DIABLO: variants seen among roughly 807,000 people sequenced by gnomAD.
DIABLO encodes the protein diablo homolog, mitochondrial.
In DIABLO, 32 loss-of-function variants were observed where a neutral mutation model predicts 31.7. The observed-to-expected ratio is 1.01, with a 90% CI of 0.76 to 1.35. The LOEUF (loss-of-function observed/expected upper bound fraction) is 1.35. Among genes scored for constraint, DIABLO ranks in the 40% most tolerant of loss-of-function variants. The pLI is 0.00. For missense variants in DIABLO, 316 were observed against 286.4 expected, an observed-to-expected ratio of 1.10 and a Z score of -0.75; for synonymous variants, 132 against 103.2, an observed-to-expected ratio of 1.28 and a Z score of -1.69.
intron 5 of DIABLO, among the ~76,000 whole-genome samples, chr12:122,212,677 T>G (rs1244738171): frequency 6.6e-6 from 1 of 151,328 alleles, no homozygotes; most frequent in Non-Finnish European, 1.5e-5. Flanking sequence ...CAGGGTGGAG[T>G]GCAGTGGTGT....
chr12:122,222,991 G>A (rs150343221), intron 2 of DIABLO, among the ~76,000 whole-genome samples: 102 of 151,912 alleles, frequency 6.7e-4, no homozygotes, highest in African/African-American at 2.1e-3. Context: ...TGCTAACTAC[G>A]TTGAGCTAAA....
chr12:122,219,675 C>T (rs181106316), intron 2 of DIABLO, among the ~76,000 whole-genome samples: 68 of 150,516 alleles, frequency 4.5e-4, no homozygotes, highest in African/African-American at 1.5e-3. Context: ...GCCAACATGG[C>T]GAAACCCCAA....
intron 5 of DIABLO, chr12:122,209,836 T>C (rs1954039909): frequency 7.1e-6 from 5 of 702,766 alleles, no homozygotes; most frequent in Middle Eastern, 4.6e-4. Context: ...CATCCTCCTC[T>C]TCTAACTTCG....
intron 4 of DIABLO, 26 bp from the exon 5 acceptor site, chr12:122,216,610 A>C: frequency 6.2e-7 from 1 of 1,607,206 alleles, no homozygotes; most frequent in African/African-American, 1.3e-5. Context: ...AAAGTGCTTC[A>C]GACAGCATAA....
intron 3 of DIABLO, chr12:122,217,768 GC>G: frequency 6.3e-6 from 1 of 159,880 alleles, no homozygotes; most frequent in South Asian, 1.7e-4. Context: ...TGATCCTCCC[GC>G]CTTGGCCTCC....
chr12:122,224,961 A>T, intron 1 of DIABLO: 1 of 658,728 alleles, frequency 1.5e-6, no homozygotes, highest in South Asian at 1.9e-5. Flanking sequence ...ATTAAAAAAA[A>T]ATAAGTAAAT....
chr12:122,225,760 C>T, intron 1 of DIABLO: 4 of 1,439,224 alleles, frequency 2.8e-6, no homozygotes, highest in East Asian at 2.5e-5. Flanking sequence ...AGAAGATGGA[C>T]GAACTGAAAA....
At chr12:122,210,882 TAAAA>T (rs1021669680) in intron 5 of DIABLO, among the ~76,000 whole-genome samples, 1 of 149,302 alleles carries the variant, frequency 6.7e-6, no homozygotes, top group Admixed American at 6.6e-5. Context: ...CTACTAAAAA[TAAAA>T]AAATTAGCTG....
At chr12:122,227,359 G>C (rs1376002806), upstream of DIABLO, 1 of 453,266 alleles carries the variant, frequency 2.2e-6, no homozygotes, top group Non-Finnish European at 4.4e-6. Context: ...CACTTACTTG[G>C]CAAAGTTTCC....
upstream of DIABLO, chr12:122,227,273 C>A: frequency 2.4e-6 from 1 of 416,692 alleles, no homozygotes; most frequent in South Asian, 1.7e-5. Context: ...CAGTAGGAAC[C>A]CTACAACACC....
chr12:122,218,128 C>T (rs1593176357), intron 3 of DIABLO, 138 bp downstream of exon 3: 7 of 1,052,088 alleles, frequency 6.7e-6, no homozygotes, highest in African/African-American at 1.6e-5. Flanking sequence ...CCTCAAAAAC[C>T]GTTATTGACA....
In DIABLO at chr12:122,215,705, A is replaced by T. The variant is rs140063298; in HGVS notation, c.523+783T>A. Among the ~76,000 whole-genome samples the T allele has an allele frequency of 3.7e-3, 559 of 152,030 alleles. 3 individuals carry two copies. Among genetic ancestry groups the T allele is most frequent in the African/African-American group, 0.013 (527 of 41,460 alleles). On this transcript the variant is annotated intron_variant, in intron 5 of 5. Coordinates refer to ENST00000464942, the MANE Select transcript of DIABLO (RefSeq NM_001371333.1). ...TGGGGCACCACGGTGCAAAGGACAA[A>T]GCACTGGCTGCTGGGAGAATAGGAG... is the stretch of plus-strand genomic sequence containing the variant.
In DIABLO at chr12:122,225,998, C is replaced by G. The variant is rs761697292; in HGVS notation, c.17G>C (p.Ser6Thr). 4 of 1,603,542 alleles carry G rather than the reference C, an allele frequency of 2.5e-6. No individual in the cohort carries two copies. Among genetic ancestry groups the G allele is most frequent in the Admixed American group, 3.4e-5 (2 of 58,994 alleles). ...TGAAGTTACGCTGCGCGACAGCCAA[C>G]TCTTCAGAGCCGCCATTGTGCAGCG... is the stretch of plus-strand genomic sequence containing the variant. MAALKSWLSRSVTSFF... is the reference protein window; with the variant it reads MAALKTWLSRSVTSFF... Residue 6 changes from serine to threonine, a missense_variant, in exon 1 of 6, where the codon AGT (serine) becomes ACT (threonine). Physicochemically the swap from Ser to Thr is moderately conservative, Grantham distance 58. Coordinates refer to ENST00000464942, the MANE Select transcript of DIABLO (RefSeq NM_001371333.1).
chr12:122,226,091 A>G, upstream of DIABLO: 2 of 1,544,452 alleles, frequency 1.3e-6, no homozygotes, highest in Non-Finnish European at 8.7e-7. Context: ...CACGGCCTCC[A>G]CCTGAGAGCG....
intron 5 of DIABLO, among the ~76,000 whole-genome samples, chr12:122,212,216 CCTA>C (rs750905686): frequency 1.3e-5 from 2 of 152,162 alleles, no homozygotes; most frequent in African/African-American, 4.8e-5. Flanking sequence ...TCCTCCCACT[CCTA>C]CTAATTCTCT....
chr12:122,210,652 T>C (rs1954065398), intron 5 of DIABLO, among the ~76,000 whole-genome samples: 1 of 152,146 alleles, frequency 6.6e-6, no homozygotes, highest in African/African-American at 2.4e-5. Context: ...GTGCTGGGAT[T>C]ACAGGCGTGA....
At chr12:122,223,426 C>CTT (rs1954377468) in intron 2 of DIABLO, among the ~76,000 whole-genome samples, 1 of 142,744 alleles carries the variant, frequency 7.0e-6, no homozygotes, top group African/African-American at 2.5e-5. Context: ...GAGTGAGACT[C>CTT]TGTCTTTAAA....
chr12:122,218,742 C>T (rs878868424), intron 2 of DIABLO: 19 of 329,342 alleles, frequency 5.8e-5, no homozygotes, highest in East Asian at 3.9e-4. Flanking sequence ...GAGATTGAGA[C>T]GATCCTGGCC....
At chr12:122,222,127 C>G (rs1196557238) in intron 2 of DIABLO, 1 of 152,206 alleles carries the variant, frequency 6.6e-6, no homozygotes, top group Non-Finnish European at 1.5e-5. Context: ...AGCATATAAG[C>G]TATGATTTTT....
Sources: allele counts gnomAD v4.1 joint callset (sites outside exome capture counted in the v4.1 genomes callset), GRCh38; gene constraint gnomAD v4.1.1; transcripts MANE v1.5; gene names NCBI Gene and HGNC (gene_info 2026-07-23, HGNC 2026-07-21).